The following ABCA13 variants were observed in gnomAD, a reference collection of about 807,000 sequenced individuals.
ABCA13 encodes ATP binding cassette subfamily A member 13.
In ABCA13, 476 loss-of-function variants were observed where a neutral mutation model predicts 478.7. That is an observed-to-expected ratio of 0.99 (90% CI 0.92 to 1.07). ABCA13 has a LOEUF of 1.07. ABCA13 is among the 50% of genes least tolerant of loss of function. The probability of loss-of-function intolerance (pLI) is 0.00; values close to 1 mark genes in which losing one functional copy is unlikely to be tolerated. For missense variants in ABCA13, 6,060 were observed against 5,910.6 expected, an observed-to-expected ratio of 1.03 and a Z score of -0.83; for synonymous variants, 2,252 against 2,158.9, an observed-to-expected ratio of 1.04 and a Z score of -1.20.
chr7:48,432,631 A>G (rs897720052), intron 42 of ABCA13, among the ~76,000 whole-genome samples: 9 of 152,192 alleles, frequency 5.9e-5, no homozygotes, highest in African/African-American at 2.2e-4. Context: ...GTAGAATACT[A>G]TTCAGTCTTA....
At chr7:48,542,393 T>G (rs1013336447) in intron 55 of ABCA13, among the ~76,000 whole-genome samples, 1 of 151,766 alleles carries the variant, frequency 6.6e-6, no homozygotes. Context: ...TTTAGCATTT[T>G]CTGGAATTTA....
intron 42 of ABCA13, among the ~76,000 whole-genome samples, chr7:48,445,391 A>C (rs1206449984): frequency 6.6e-6 from 1 of 152,122 alleles, no homozygotes; most frequent in Non-Finnish European, 1.5e-5. Flanking sequence ...TGGGACTCAA[A>C]TTCTGCTCAT....
At chr7:48,406,282 G>GC (rs1390832430) in intron 39 of ABCA13, among the ~76,000 whole-genome samples, 1 of 152,176 alleles carries the variant, frequency 6.6e-6, no homozygotes, top group Non-Finnish European at 1.5e-5. Flanking sequence ...TCTGGGGTAT[G>GC]CACTTGCTCT....
intron 27 of ABCA13, among the ~76,000 whole-genome samples, chr7:48,327,643 T>C (rs1314768426): frequency 6.6e-6 from 1 of 152,242 alleles, no homozygotes; most frequent in African/African-American, 2.4e-5. Flanking sequence ...CAGAAGCTCA[T>C]GGCTTGAATC....
chr7:48,573,607 A>G (rs1182381000), intron 55 of ABCA13, among the ~76,000 whole-genome samples: 1 of 152,120 alleles, frequency 6.6e-6, no homozygotes, highest in South Asian at 2.1e-4. Flanking sequence ...GATGGTGCAT[A>G]TATGTAGTCT....
Position 48,276,554 on chromosome 7 carries a change from T to C in ABCA13, c.6888T>C (p.Ile2296=). The part of the protein sequence containing the change: ...LLLKYFHKDV[I]AEMSFVPKDK... The stretch of plus-strand genomic sequence containing the variant: ...TGAAATATTTCCACAAAGATGTTAT[T>C]GCAGAGATGAGGTGAGTATACTTTT... Residue 2296 remains isoleucine, a synonymous_variant, in exon 17 of 62, where the codon ATT becomes ATC. Coordinates refer to ENST00000435803, the MANE Select transcript of ABCA13 (RefSeq NM_152701.5). 6.2e-7 allele frequency: 1 copy of C among 1,611,468 alleles called. No homozygotes were observed. The highest frequency in any genetic ancestry group is 8.5e-7 in the Non-Finnish European group (1 of 1,179,380).
rs772492523 is a variant in ABCA13 at position 48,273,402 on chromosome 7, A to G, written c.3736A>G (p.Lys1246Glu). The G allele has an allele frequency of 3.1e-6, 5 of 1,613,538 alleles. No individual in the cohort carries two copies. The highest frequency in any genetic ancestry group is 3.4e-6 in the Non-Finnish European group (4 of 1,179,708). The change falls in exon 17 of 62, where the codon AAA becomes GAA. Residue 1246 changes from lysine to glutamate, a missense_variant. Lys to Glu is a moderately conservative substitution (Grantham distance 56). Coordinates refer to ENST00000435803, the MANE Select transcript of ABCA13 (RefSeq NM_152701.5). ...VALGNALVSVKKLNLEQVEKS... is the reference protein window; with the variant it reads ...VALGNALVSVEKLNLEQVEKS... ...TTTAGGTAATGCATTAGTTTCAGTA[A>G]AAAAACTTAACTTGGAGCAAGTGGA...
intron 23 of ABCA13, among the ~76,000 whole-genome samples, chr7:48,308,677 T>C (rs974855567): frequency 2.6e-4 from 39 of 152,040 alleles, no homozygotes; most frequent in African/African-American, 9.2e-4. Flanking sequence ...TGGTTTGTCA[T>C]CATGTACCAG....
Position 48,387,959 on chromosome 7 carries a change from G to T in ABCA13, c.11473G>T (p.Gly3825Trp), listed in dbSNP as rs201073782. The change falls in exon 36 of 62, where the codon GGG becomes TGG. Residue 3825 changes from glycine (G) to tryptophan (W), a missense_variant and splice_region_variant. By Grantham distance (184) the Gly-to-Trp change is radical. Transcript: ENST00000435803. The stretch of plus-strand genomic sequence containing the variant: ...CTTCAATGAGAACTTTGACAATAAA[G>T]GTTTGTAAGGAGTAGAATTATTAGA... Reference protein sequence around the residue: ...FFFNENFDNKGSSLQNREGEL... With the variant: ...FFFNENFDNKWSSLQNREGEL... 6 of 1,595,004 alleles carry T rather than the reference G, an allele frequency of 3.8e-6. No homozygotes were observed. Among genetic ancestry groups the T allele is most frequent in the Non-Finnish European group, 5.1e-6 (6 of 1,174,628 alleles).
chr7:48,390,182 C>T lies in ABCA13; in HGVS notation c.11654+962C>T, dbSNP rs117013171. 1.6e-3 allele frequency among the ~76,000 whole-genome samples: 245 copies of T among 152,252 alleles called. 8 individuals are homozygous for T. The East Asian group carries it at 0.042, about 26-fold the overall frequency. On this transcript the variant is annotated intron_variant, in intron 37 of 61. Transcript: ENST00000435803. ...AAGACACATTTCTTACAAGGAAAAC[C>T]TGGGCTGCTTGTTTAGCAGAATGAT...
intron 4 of ABCA13, among the ~76,000 whole-genome samples, chr7:48,220,023 A>G (rs569677464): frequency 1.3e-5 from 2 of 151,666 alleles, no homozygotes; most frequent in East Asian, 3.9e-4. Flanking sequence ...TGATTTATTT[A>G]CTTTGATTAC....
chr7:48,314,510 A>G, intron 26 of ABCA13, 101 bp downstream of exon 26: 6 of 1,087,390 alleles, frequency 5.5e-6, no homozygotes, highest in African/African-American at 1.6e-5. Context: ...TAAGGTTGCT[A>G]TATACTGGCA....
chr7:48,520,723 C>T (rs373512990), intron 53 of ABCA13, among the ~76,000 whole-genome samples: 7 of 152,130 alleles, frequency 4.6e-5, no homozygotes. Context: ...CCACAACAGG[C>T]CCCGGTGTGT....
intron 41 of ABCA13, among the ~76,000 whole-genome samples, chr7:48,421,518 G>A (rs570749546): frequency 7.2e-5 from 11 of 152,272 alleles, no homozygotes; most frequent in Non-Finnish European, 1.5e-4. Flanking sequence ...GAGCCAGTGG[G>A]AGGTCCTTCA....
intron 32 of ABCA13, among the ~76,000 whole-genome samples, chr7:48,368,302 A>G (rs4437599): frequency 0.12 from 18,183 of 152,036 alleles, 1,291 homozygotes; most frequent in East Asian, 0.31. Flanking sequence ...TGAAACTATC[A>G]TAACTTAAAT....
chr7:48,469,268 A>G (rs1293978643), intron 44 of ABCA13, among the ~76,000 whole-genome samples: 3 of 152,230 alleles, frequency 2.0e-5, no homozygotes, highest in Non-Finnish European at 2.9e-5. Flanking sequence ...GCTCATTATT[A>G]GCCAAAAGGT....
At chr7:48,287,535 G>A (rs1024969752) in intron 19 of ABCA13, among the ~76,000 whole-genome samples, 1 of 152,152 alleles carries the variant, frequency 6.6e-6, no homozygotes, top group African/African-American at 2.4e-5. Flanking sequence ...GAGGCATGGG[G>A]CATGGAGAAG....
intron 47 of ABCA13, among the ~76,000 whole-genome samples, chr7:48,489,008 G>GA (rs781064079): frequency 2.0e-4 from 30 of 152,106 alleles, no homozygotes; most frequent in Non-Finnish European, 3.8e-4. Flanking sequence ...TTGTTCTGGG[G>GA]AAAATTAATC....
intron 3 of ABCA13, among the ~76,000 whole-genome samples, chr7:48,201,587 G>T (rs1013611405): frequency 2.6e-5 from 4 of 152,204 alleles, no homozygotes; most frequent in Admixed American, 2.0e-4. Flanking sequence ...GGGCGTGGTG[G>T]CAGGCACCTG....
Sources: gnomAD v4.1 joint callset for allele counts (sites outside exome capture counted in the v4.1 genomes callset) on GRCh38, gnomAD v4.1.1 for gene constraint, MANE v1.5 for transcripts, NCBI Gene and HGNC (gene_info 2026-07-23, HGNC 2026-07-21) for gene names.